ZNF492: variants seen among roughly 807,000 people sequenced by gnomAD.
ZNF492 encodes zinc finger protein 492.
ZNF492 carries 3 observed loss-of-function variants against 6.4 expected under a neutral mutation model. That is an observed-to-expected ratio of 0.47 (90% CI 0.21 to 1.22). The LOEUF is 1.22. Ranked by LOEUF, ZNF492 falls within the 50% of genes most tolerant of loss-of-function variation. The probability of loss-of-function intolerance (pLI) is 0.22; values close to 1 mark genes in which losing one functional copy is unlikely to be tolerated. For synonymous variants in ZNF492, 112 were observed against 205.3 expected (o/e 0.55, Z 3.89); for missense variants, 356 against 612.5 (o/e 0.58, Z 4.42).
intron 3 of ZNF492, among the ~76,000 whole-genome samples, chr19:22,654,259 C>G (rs1349141774): frequency 6.6e-6 from 1 of 152,134 alleles, no homozygotes; most frequent in Non-Finnish European, 1.5e-5. Flanking sequence ...ACAGCCAAGA[C>G]AGCCCTCTTC....
intron 1 of ZNF492, among the ~76,000 whole-genome samples, chr19:22,646,440 T>C (rs771233351): frequency 2.0e-5 from 3 of 152,240 alleles, no homozygotes; most frequent in Non-Finnish European, 2.9e-5. Flanking sequence ...ATTTTCTAAA[T>C]ATAGAATAAC....
rs193093275 is a variant in ZNF492 at position 22,638,126 on chromosome 19, C to T, written c.-94+3652C>T. ...ATGGGTATTGGACCTTTGTCAAAAG[C>T]ATAGTTTGCAAATATTTTCTTTTAT... On this transcript the variant is annotated intron_variant, in intron 1 of 3. Transcript: ENST00000456783. 2.9e-3 allele frequency among the ~76,000 whole-genome samples: 437 copies of T among 152,108 alleles called. 2 individuals are homozygous for T. The highest frequency in any genetic ancestry group is 4.8e-3 in the Admixed American group (74 of 15,282).
rs575339983 is a variant in ZNF492, at chr19:22,654,673, C to T, written c.130+658C>T. ...CTGGAGTGCAGTGTCATCATCTCGG[C>T]TAACTGCAACCTCTGCCTCCTGGGT... On this transcript the variant is annotated intron_variant, in intron 3 of 3. Transcript: ENST00000456783. Among the ~76,000 whole-genome samples the T allele has an allele frequency of 2.6e-3, 393 of 150,276 alleles. 2 individuals carry two copies. The highest frequency in any genetic ancestry group is 3.6e-3 in the Non-Finnish European group (243 of 67,720).
chr19:22,636,044 A>T (rs1971758268), intron 1 of ZNF492, among the ~76,000 whole-genome samples: 1 of 151,612 alleles, frequency 6.6e-6, no homozygotes. Context: ...ACTAGGCCTC[A>T]CTGTCTGTTG....
Position 22,664,312 on chromosome 19 carries a change from CAT to C in ZNF492, c.645_646del (p.His215GlnfsTer13). The C allele has an allele frequency of 6.3e-7, 1 of 1,576,238 alleles. No homozygotes were observed. The highest frequency in any genetic ancestry group is 8.6e-7 in the Non-Finnish European group (1 of 1,161,690). ...AFNRLSHLTTHKIIHTGKKPY... is the reference protein window; with the variant it reads ...AFNRLSHLTTXKIIHTGKKPY... ...TAACCGGCTCTCACACCTTACTACACATAAGATAATTCATACTGGAAAGAAAC... is the reference window on the plus strand; with the variant it reads ...TAACCGGCTCTCACACCTTACTACACAAGATAATTCATACTGGAAAGAAAC... On this transcript the variant is annotated frameshift_variant, in exon 4 of 4. Transcript: ENST00000456783. LOFTEE classifies it low-confidence loss of function (END_TRUNC).
intron 1 of ZNF492, among the ~76,000 whole-genome samples, chr19:22,641,258 A>G (rs535288141): frequency 6.6e-6 from 1 of 152,146 alleles, no homozygotes; most frequent in Non-Finnish European, 1.5e-5. Flanking sequence ...TTTTCTCCTA[A>G]CACTGCCTTA....
At position 22,664,054 on chromosome 19, in the gene ZNF492, A is replaced by G. The variant is rs759618488; in HGVS notation, c.385A>G (p.Asn129Asp). 6 of 1,603,818 alleles carry G rather than the reference A, an allele frequency of 3.7e-6. No homozygotes were observed. The highest frequency in any genetic ancestry group is 2.2e-5 in the East Asian group (1 of 44,670). Residue 129 changes from asparagine to aspartate, a missense_variant, in exon 4 of 4, where the codon AAC becomes GAC. This residue lies in a region of ZNF492 where 196 missense variants were observed against 219.4 expected (regional missense o/e 0.89). Coordinates refer to ENST00000456783, the MANE Select transcript of ZNF492 (RefSeq NM_020855.3). Reference sequence around the variant, plus strand: ...AGTCTTTCATAAATTTTCAAATTCAAACAGACATACGATAAGACATACTGG... The same window carrying G: ...AGTCTTTCATAAATTTTCAAATTCAGACAGACATACGATAAGACATACTGG... ...VKVFHKFSNS[N>D]RHTIRHTGKK...
intron 1 of ZNF492, among the ~76,000 whole-genome samples, chr19:22,641,253 T>G (rs1971822858): frequency 6.6e-6 from 1 of 152,230 alleles, no homozygotes. Context: ...AATTTTTTTC[T>G]CCTAACACTG....
At chr19:22,652,034 G>A (rs1468031647) in intron 1 of ZNF492, among the ~76,000 whole-genome samples, 4 of 152,056 alleles carry the variant, frequency 2.6e-5, no homozygotes, top group South Asian at 2.1e-4. Context: ...CAGTGATGCC[G>A]TGTCCTTCTG....
chr19:22,666,465 A>T lies in ZNF492; in HGVS notation c.*1200A>T, dbSNP rs566784703. 3.3e-5 allele frequency: 5 copies of T among 152,292 alleles called. No homozygotes were observed. Among genetic ancestry groups the T allele is most frequent in the South Asian group, 2.1e-4 (1 of 4,832 alleles). The allele number at this position is 152,292 out of a possible 1,614,324, so 9.4% of individuals were successfully genotyped here. The stretch of plus-strand genomic sequence containing the variant: ...CTTGGCCTCCCGCAATGCTGCAATT[A>T]CAGGTGTTAGCCACTGCGCCTGCCT... On this transcript the variant is annotated 3_prime_UTR_variant, in exon 4 of 4. Transcript: ENST00000456783.
chr19:22,638,368 A>G (rs1399439146), intron 1 of ZNF492, among the ~76,000 whole-genome samples: 1 of 152,036 alleles, frequency 6.6e-6, no homozygotes, highest in East Asian at 1.9e-4. Flanking sequence ...TAAATCTGTA[A>G]TTTATCTTGA....
rs560184780 is a variant in ZNF492, at chr19:22,667,575, G to T, written c.*2310G>T. ...TTTAGTTTTTTTAAAATATACGATT[G>T]TTATTGACTACAGGGTTATTTTTAT... On this transcript the variant is annotated 3_prime_UTR_variant, in exon 4 of 4. Coordinates refer to ENST00000456783, the MANE Select transcript of ZNF492 (RefSeq NM_020855.3). 5.3e-5 allele frequency: 8 copies of T among 151,942 alleles called. No homozygotes were observed. In the East Asian group the frequency reaches 1.5e-3, roughly 29 times the overall value. 9.4% of individuals were successfully genotyped at this position (151,942 alleles called of 1,614,324 possible).
chr19:22,646,253 A>G lies in ZNF492; in HGVS notation c.-93-7054A>G, dbSNP rs184343733. ...GTCCTTCACATTCCTTGTTAGCTGT[A>G]TTTTTAGATATTTTATTCTTTTTGT... On this transcript the variant is annotated intron_variant, in intron 1 of 3. Coordinates refer to ENST00000456783, the MANE Select transcript of ZNF492 (RefSeq NM_020855.3). Among the ~76,000 whole-genome samples the G allele has an allele frequency of 2.3e-3, 347 of 152,172 alleles. 5 individuals are homozygous for G. Among genetic ancestry groups the G allele is most frequent in the South Asian group, 1.7e-3 (8 of 4,818 alleles).
intron 1 of ZNF492, among the ~76,000 whole-genome samples, chr19:22,638,273 T>A (rs1971788014): frequency 6.6e-6 from 1 of 152,194 alleles, no homozygotes; most frequent in South Asian, 2.1e-4. Context: ...ATCTTTATTT[T>A]AAAATTTTTG....
intron 1 of ZNF492, among the ~76,000 whole-genome samples, chr19:22,638,889 C>G (rs1451846469): frequency 2.0e-5 from 3 of 152,098 alleles, no homozygotes; most frequent in Non-Finnish European, 4.4e-5. Flanking sequence ...GTCGCCCAAG[C>G]TGGAGTGCAG....
intron 1 of ZNF492, among the ~76,000 whole-genome samples, chr19:22,637,066 T>C (rs11671949): frequency 0.36 from 50,881 of 141,372 alleles, 9,207 homozygotes; most frequent in African/African-American, 0.5. Context: ...AGCAATTTTC[T>C]TGCCTCAGCC....
chr19:22,641,665 C>T (rs1219852863), intron 1 of ZNF492, among the ~76,000 whole-genome samples: 1 of 152,130 alleles, frequency 6.6e-6, no homozygotes, highest in East Asian at 1.9e-4. Flanking sequence ...TAATTTTCTG[C>T]CTCAATAATG....
chr19:22,636,675 C>CT (rs1367320401), intron 1 of ZNF492, among the ~76,000 whole-genome samples: 1 of 151,134 alleles, frequency 6.6e-6, no homozygotes, highest in Non-Finnish European at 1.5e-5. Context: ...GCTCCTATTG[C>CT]CCAGGCTGGA....
In ZNF492 at chr19:22,647,259, TG is replaced by T. The variant is rs74170720; in HGVS notation, c.-93-6047del. Among the ~76,000 whole-genome samples, 31 of 148,860 alleles carry T rather than the reference TG, an allele frequency of 2.1e-4. 1 individual carries two copies. Among genetic ancestry groups the T allele is most frequent in the East Asian group, 1.4e-3 (7 of 5,062 alleles). On this transcript the variant is annotated intron_variant, in intron 1 of 3. Coordinates refer to ENST00000456783, the MANE Select transcript of ZNF492 (RefSeq NM_020855.3). ...TTTTTTTTGTTTGTTTGTTTGTTGTTGTTTTTTTTTTTTTTAGGCAGAGTTT... is the reference window on the plus strand; with the variant it reads ...TTTTTTTTGTTTGTTTGTTTGTTGTTTTTTTTTTTTTTTTAGGCAGAGTTT...
Sources: allele counts gnomAD v4.1 joint callset (sites outside exome capture counted in the v4.1 genomes callset), GRCh38; gene constraint gnomAD v4.1.1; regional missense constraint gnomAD v4.1.1; transcripts MANE v1.5; gene names NCBI Gene and HGNC (gene_info 2026-07-23, HGNC 2026-07-21).